ARB2A: variants seen among roughly 807,000 people sequenced by gnomAD.
ARB2A encodes cotranscriptional regulator ARB2A.
At chr5:93,983,761 T>A in the ARB2A span, among the ~76,000 whole-genome samples, 1 of 152,190 alleles carries the variant, frequency 6.6e-6, no homozygotes. Context: ...GCTCTTGATA[T>A]CATGCTTGGA....
the ARB2A span, among the ~76,000 whole-genome samples, chr5:93,989,486 A>T: frequency 6.6e-6 from 1 of 152,148 alleles, no homozygotes; most frequent in African/African-American, 2.4e-5. Context: ...AGATTAACAG[A>T]CCACAACCTT....
the ARB2A span, among the ~76,000 whole-genome samples, chr5:93,836,033 T>A: frequency 6.6e-6 from 1 of 151,356 alleles, no homozygotes; most frequent in Non-Finnish European, 1.5e-5. Flanking sequence ...AAGAAAAAAT[T>A]TTTTTTTTCT....
chr5:93,886,004 G>A, the ARB2A span, among the ~76,000 whole-genome samples: 1 of 151,678 alleles, frequency 6.6e-6, no homozygotes, highest in Non-Finnish European at 1.5e-5. Context: ...GGAAAACTTT[G>A]ATAGACAAAT....
the ARB2A span, among the ~76,000 whole-genome samples, chr5:93,816,018 T>C: frequency 6.6e-6 from 1 of 152,212 alleles, no homozygotes; most frequent in African/African-American, 2.4e-5. Flanking sequence ...CTCTCAAGCC[T>C]TCCCTTAACA....
At chr5:93,826,590 GTTTT>G in the ARB2A span, among the ~76,000 whole-genome samples, 37 of 151,892 alleles carry the variant, frequency 2.4e-4, no homozygotes, top group Non-Finnish European at 3.8e-4. Flanking sequence ...CTTTTAAAAT[GTTTT>G]TTTAATTTTT....
At chr5:94,090,852 C>G in the ARB2A span, among the ~76,000 whole-genome samples, 2 of 152,120 alleles carry the variant, frequency 1.3e-5, no homozygotes, top group East Asian at 1.9e-4. Context: ...GTTGAACCAG[C>G]CTTGCATCCC....
chr5:94,103,650 A>T, the ARB2A span, among the ~76,000 whole-genome samples: 1 of 152,038 alleles, frequency 6.6e-6, no homozygotes, highest in East Asian at 1.9e-4. Context: ...CAGGACCTAA[A>T]CTTGACATTT....
At chr5:93,818,913 C>T in the ARB2A span, among the ~76,000 whole-genome samples, 1,349 of 152,130 alleles carry the variant, frequency 8.9e-3, 21 homozygotes, top group African/African-American at 0.031. Flanking sequence ...CTTGGCCGGG[C>T]GCGGTGGCTC....
the ARB2A span, among the ~76,000 whole-genome samples, chr5:93,808,497 T>C: frequency 4.6e-5 from 7 of 151,962 alleles, no homozygotes; most frequent in South Asian, 1.0e-3. Flanking sequence ...TGTAAAATTA[T>C]GGTCATCATT....
the ARB2A span, among the ~76,000 whole-genome samples, chr5:94,042,889 T>C: frequency 1.3e-5 from 2 of 152,318 alleles, no homozygotes; most frequent in East Asian, 3.9e-4. Context: ...AAGATGCCTA[T>C]AATTCTGATA....
chr5:93,918,881 G>A, the ARB2A span, among the ~76,000 whole-genome samples: 2 of 152,170 alleles, frequency 1.3e-5, no homozygotes, highest in Non-Finnish European at 2.9e-5. Flanking sequence ...CACCTGGGAT[G>A]CTTTAAAATA....
chr5:93,795,184 G>A, the ARB2A span, among the ~76,000 whole-genome samples: 5 of 151,990 alleles, frequency 3.3e-5, no homozygotes, highest in African/African-American at 1.2e-4. Context: ...ATTCCCAGGG[G>A]GATTGTGTTC....
chr5:93,881,551 T>C, the ARB2A span: 1 of 1,610,792 alleles, frequency 6.2e-7, no homozygotes, highest in Non-Finnish European at 8.5e-7. Context: ...TCTTTGTTTC[T>C]TTAGAAACTT....
the ARB2A span, among the ~76,000 whole-genome samples, chr5:93,708,492 C>G: frequency 1.3e-5 from 2 of 152,150 alleles, no homozygotes; most frequent in Admixed American, 6.5e-5. Flanking sequence ...TGAAACTGTT[C>G]CACCTCAGAT....
At chr5:94,006,484 A>G in the ARB2A span, among the ~76,000 whole-genome samples, 5 of 152,186 alleles carry the variant, frequency 3.3e-5, no homozygotes, top group Non-Finnish European at 5.9e-5. Flanking sequence ...CATTCTGGAT[A>G]TGATGTTGTA....
the ARB2A span, among the ~76,000 whole-genome samples, chr5:93,632,040 C>T: frequency 6.6e-6 from 1 of 152,098 alleles, no homozygotes; most frequent in South Asian, 2.1e-4. Flanking sequence ...TACATGCATT[C>T]ATTGTATGCC....
At chr5:93,623,393 C>T in the ARB2A span, among the ~76,000 whole-genome samples, 1 of 152,150 alleles carries the variant, frequency 6.6e-6, no homozygotes, top group Non-Finnish European at 1.5e-5. Context: ...TGTAAGCTTT[C>T]TCAGGGAATT....
At chr5:93,837,447 T>C in the ARB2A span, among the ~76,000 whole-genome samples, 22 of 152,306 alleles carry the variant, frequency 1.4e-4, no homozygotes, top group Middle Eastern at 6.8e-3. Context: ...TGTGTCTTTA[T>C]AGTAGAATGA....
At chr5:93,645,889 G>A in the ARB2A span, among the ~76,000 whole-genome samples, 2 of 152,110 alleles carry the variant, frequency 1.3e-5, no homozygotes, top group African/African-American at 4.8e-5. Flanking sequence ...TGAGTCTCTA[G>A]CAATTTGAAT....
Sources: gnomAD v4.1 joint callset for allele counts (sites outside exome capture counted in the v4.1 genomes callset) on GRCh38, gnomAD v4.1.1 for gene constraint, MANE v1.5 for transcripts, NCBI Gene and HGNC (gene_info 2026-07-23, HGNC 2026-07-21) for gene names.